Variants in SLC25A13 observed in about 807,000 individuals in gnomAD.
SLC25A13 encodes electrogenic aspartate/glutamate antiporter SLC25A13, mitochondrial.
SLC25A13 carries 70 observed loss-of-function variants against 85.5 expected under a neutral mutation model. The ratio of observed to expected loss-of-function variants is 0.82; its 90% CI spans 0.68 to 1.00. The LOEUF (loss-of-function observed/expected upper bound fraction) is 1.00. Ranked by LOEUF, SLC25A13 falls within the 50% of genes least tolerant of loss-of-function variation. The pLI is 0.00. For missense variants in SLC25A13, 765 were observed against 819.8 expected, an observed-to-expected ratio of 0.93 and a Z score of 0.82; for synonymous variants, 259 against 288.7, an observed-to-expected ratio of 0.90 and a Z score of 1.04.
intron 14 of SLC25A13, among the ~76,000 whole-genome samples, chr7:96,144,351 G>A (rs1469407843): frequency 6.6e-6 from 1 of 152,188 alleles, no homozygotes; most frequent in East Asian, 1.9e-4. Context: ...GTCTCTGAAT[G>A]TAGCTGATAC....
chr7:96,197,953 CTT>C (rs1179271962), intron 5 of SLC25A13, among the ~76,000 whole-genome samples: 1 of 152,148 alleles, frequency 6.6e-6, no homozygotes. Flanking sequence ...CAGAAGAAGT[CTT>C]TAACCTATAG....
Position 96,234,875 on chromosome 7 carries a change from C to T in SLC25A13, c.255G>A (p.Leu85=), listed in dbSNP as rs369071668. 12 of 1,613,802 alleles carry T rather than the reference C, an allele frequency of 7.4e-6. No homozygotes were observed. In the East Asian group the frequency reaches 2.0e-4, roughly 27 times the overall value. The change falls in exon 4 of 18, where the codon CTG becomes CTA. Residue 85 remains leucine, a synonymous_variant. Transcript: ENST00000265631. ...FQEFVAFESV[L]CAPDALFMVA... is the part of the protein sequence containing the mutation. ...CCATAAACAAAGCATCAGGGGCACA[C>T]AGGACAGATTCAAAGGCAACAAATT...
At chr7:96,222,632 G>A (rs1398245015) in intron 4 of SLC25A13, among the ~76,000 whole-genome samples, 5 of 151,994 alleles carry the variant, frequency 3.3e-5, no homozygotes, top group Non-Finnish European at 7.4e-5. Context: ...TTTTAGTAGC[G>A]ACGGGGTTTC....
At chr7:96,187,074 C>G (rs1426841223) in intron 9 of SLC25A13, among the ~76,000 whole-genome samples, 1 of 152,184 alleles carries the variant, frequency 6.6e-6, no homozygotes, top group Non-Finnish European at 1.5e-5. Flanking sequence ...ATTATCCTCA[C>G]AGTGTTTTTG....
chr7:96,255,847 G>A (rs1044131685), intron 3 of SLC25A13, among the ~76,000 whole-genome samples: 5 of 152,158 alleles, frequency 3.3e-5, no homozygotes, highest in Non-Finnish European at 5.9e-5. Flanking sequence ...TACCCACAAA[G>A]GGAAGCCCAT....
intron 13 of SLC25A13, among the ~76,000 whole-genome samples, chr7:96,158,042 G>A (rs536015617): frequency 6.6e-6 from 1 of 152,260 alleles, no homozygotes; most frequent in African/African-American, 2.4e-5. Flanking sequence ...ACAATGATAG[G>A]AAATATCAGT....
At chr7:96,223,788 T>TG (rs1250000725) in intron 4 of SLC25A13, among the ~76,000 whole-genome samples, 1 of 58,714 alleles carries the variant, frequency 1.7e-5, no homozygotes, top group African/African-American at 6.7e-5. Context: ...ACTCCATCTC[T>TG]GAAAAAAAAA....
chr7:96,176,263 T>C (rs938269395), intron 11 of SLC25A13, among the ~76,000 whole-genome samples: 3 of 152,106 alleles, frequency 2.0e-5, no homozygotes, highest in Non-Finnish European at 2.9e-5. Flanking sequence ...AGCAGAAAAA[T>C]CAGGTTTCTA....
intron 3 of SLC25A13, among the ~76,000 whole-genome samples, chr7:96,264,353 C>G (rs956812039): frequency 2.0e-5 from 3 of 152,218 alleles, no homozygotes; most frequent in African/African-American, 7.2e-5. Context: ...ATACGAATCT[C>G]TCTCCACAAA....
chr7:96,241,253 C>CA lies in SLC25A13; in HGVS notation c.213-6337dup, dbSNP rs1240988762. ...AGAAGCAGTTAGAAAAAAACAAAAACAAAAAAACACCTCTTTACTCCTCAG... is the reference window on the plus strand; with the variant it reads ...AGAAGCAGTTAGAAAAAAACAAAAACAAAAAAAACACCTCTTTACTCCTCAG... On this transcript the variant is annotated intron_variant, in intron 3 of 17. Transcript: ENST00000265631. 3.9e-5 allele frequency among the ~76,000 whole-genome samples: 6 copies of CA among 152,030 alleles called. No homozygotes were observed. In the East Asian group the frequency reaches 5.8e-4, roughly 15 times the overall value.
At chr7:96,139,393 CT>C (rs938117331) in intron 14 of SLC25A13, among the ~76,000 whole-genome samples, 8 of 151,282 alleles carry the variant, frequency 5.3e-5, no homozygotes, top group African/African-American at 1.5e-4. Context: ...TTTAAAAGTT[CT>C]TTTTTTTTCC....
At chr7:96,185,439 T>A (rs186979899) in intron 9 of SLC25A13, among the ~76,000 whole-genome samples, 1 of 151,604 alleles carries the variant, frequency 6.6e-6, no homozygotes, top group Non-Finnish European at 1.5e-5. Flanking sequence ...CTCTATAATA[T>A]AACACAAAAA....
At chr7:96,171,449 A>C in intron 12 of SLC25A13, 23 bp downstream of exon 12, 1 of 1,604,560 alleles carries the variant, frequency 6.2e-7, no homozygotes, top group Non-Finnish European at 8.5e-7. Context: ...CCTTAATAAG[A>C]AGCACCAACT....
chr7:96,189,305 C>A lies in SLC25A13; in HGVS notation c.922G>T (p.Ala308Ser). 1 of 1,614,038 alleles carries A rather than the reference C, an allele frequency of 6.2e-7. No individual in the cohort carries two copies. Residue 308 changes from alanine (A) to serine (S), a missense_variant, in exon 9 of 18, where the codon GCC becomes TCC. Ala to Ser is a moderately conservative substitution (Grantham distance 99). Transcript: ENST00000265631. ...EGTLPFNLAE[A>S]QRQKASGDSA... ...TCCTCTTTGCTCACCTGCCTCTGGG[C>A]CTCAGCCAAGTTAAAGGGCAGAGTT...
intron 1 of SLC25A13, among the ~76,000 whole-genome samples, chr7:96,321,341 G>C (rs1800331638): frequency 6.6e-6 from 1 of 152,202 alleles, no homozygotes; most frequent in Non-Finnish European, 1.5e-5. Context: ...GATGGAGAGA[G>C]GGAGGGGGAA....
chr7:96,226,479 G>A (rs1796332335), intron 4 of SLC25A13, among the ~76,000 whole-genome samples: 1 of 152,040 alleles, frequency 6.6e-6, no homozygotes, highest in African/African-American at 2.4e-5. Context: ...ATACCTCTTT[G>A]AGATCCTGAT....
intron 13 of SLC25A13, among the ~76,000 whole-genome samples, chr7:96,161,653 A>C (rs545884606): frequency 1.3e-4 from 20 of 152,324 alleles, no homozygotes; most frequent in African/African-American, 4.8e-4. Flanking sequence ...GTTATGAAGG[A>C]AGATCTCCTC....
At chr7:96,210,811 G>T (rs1795661996) in intron 4 of SLC25A13, among the ~76,000 whole-genome samples, 1 of 152,054 alleles carries the variant, frequency 6.6e-6, no homozygotes, top group Non-Finnish European at 1.5e-5. Context: ...TTTTATACTA[G>T]AATAAAATTT....
chr7:96,285,143 G>T (rs147771767), intron 2 of SLC25A13, among the ~76,000 whole-genome samples: 1 of 152,164 alleles, frequency 6.6e-6, no homozygotes, highest in Admixed American at 6.6e-5. Context: ...CACTCAGACC[G>T]TATTTTCTCT....
Sources: gnomAD v4.1 joint callset for allele counts (sites outside exome capture counted in the v4.1 genomes callset) on GRCh38, gnomAD v4.1.1 for gene constraint, MANE v1.5 for transcripts, NCBI Gene and HGNC (gene_info 2026-07-23, HGNC 2026-07-21) for gene names.